The following KDM4C variants were observed in gnomAD, a reference collection of about 807,000 sequenced individuals.
KDM4C encodes the protein lysine-specific demethylase 4C.
In KDM4C, 81 loss-of-function variants were observed where a neutral mutation model predicts 129.3. The ratio of observed to expected loss-of-function variants is 0.63; its 90% CI spans 0.52 to 0.75. The LOEUF (loss-of-function observed/expected upper bound fraction) is 0.75, where lower values mean the gene tolerates loss of function less well. Among genes scored for constraint, KDM4C ranks in the 30% least tolerant of loss-of-function variants. KDM4C has a pLI of 0.00. For missense variants in KDM4C, 1,457 were observed against 1,304.0 expected, an observed-to-expected ratio of 1.12 and a Z score of -1.81; for synonymous variants, 573 against 456.1, an observed-to-expected ratio of 1.26 and a Z score of -3.26.
At chr9:6,804,715 T>G (rs1156365786) in intron 2 of KDM4C, among the ~76,000 whole-genome samples, 2 of 148,382 alleles carry the variant, frequency 1.3e-5, no homozygotes, top group Admixed American at 1.4e-4. Flanking sequence ...GCTGAGATCG[T>G]GCCACTGCTC....
At chr9:6,980,113 C>T (rs1332626853) in intron 8 of KDM4C, among the ~76,000 whole-genome samples, 1 of 152,140 alleles carries the variant, frequency 6.6e-6, no homozygotes, top group African/African-American at 2.4e-5. Context: ...TAGGGATTGT[C>T]AAGGTCTATC....
intron 4 of KDM4C, chr9:6,834,510 G>A (rs559467783): frequency 1.4e-5 from 9 of 649,258 alleles, no homozygotes; most frequent in Non-Finnish European, 2.0e-5. Flanking sequence ...CATGTGGAAG[G>A]CTGGCTTCGC....
chr9:6,842,270 T>C (rs1837073363), intron 4 of KDM4C, among the ~76,000 whole-genome samples: 1 of 152,110 alleles, frequency 6.6e-6, no homozygotes, highest in Non-Finnish European at 1.5e-5. Context: ...GCTACATTTT[T>C]TGCAGATTTG....
At chr9:6,896,697 A>AG (rs887192744) in intron 8 of KDM4C, among the ~76,000 whole-genome samples, 1 of 152,110 alleles carries the variant, frequency 6.6e-6, no homozygotes, top group Non-Finnish European at 1.5e-5. Context: ...GGCTGGTAGA[A>AG]GGGGGAGAAG....
At chr9:7,006,415 T>A (rs1025405773) in intron 12 of KDM4C, among the ~76,000 whole-genome samples, 1 of 152,104 alleles carries the variant, frequency 6.6e-6, no homozygotes, top group African/African-American at 2.4e-5. Flanking sequence ...TATTTAATGA[T>A]CAATGACAAG....
At chr9:6,971,427 G>T (rs1416542696) in intron 8 of KDM4C, among the ~76,000 whole-genome samples, 1 of 152,126 alleles carries the variant, frequency 6.6e-6, no homozygotes, top group Non-Finnish European at 1.5e-5. Context: ...TTTAAAATTT[G>T]GACTGATCAA....
chr9:7,135,595 G>C (rs541455760), intron 19 of KDM4C, among the ~76,000 whole-genome samples: 1 of 143,808 alleles, frequency 7.0e-6, no homozygotes, highest in Non-Finnish European at 1.5e-5. Context: ...GATGTTGTCC[G>C]TTCTGAGCTA....
intron 1 of KDM4C, among the ~76,000 whole-genome samples, chr9:6,734,325 G>A (rs933126810): frequency 8.9e-5 from 11 of 124,126 alleles, no homozygotes; most frequent in African/African-American, 3.2e-4. Context: ...ATGGAGTTTC[G>A]CTCTTGTTGC....
intron 3 of KDM4C, among the ~76,000 whole-genome samples, chr9:6,808,532 A>T (rs941386235): frequency 1.7e-4 from 25 of 147,600 alleles, no homozygotes; most frequent in African/African-American, 5.6e-4. Context: ...CCCTAATCTC[A>T]AGTAATCAGG....
chr9:6,996,497 A>C (rs1372821487), intron 12 of KDM4C, among the ~76,000 whole-genome samples: 1 of 152,210 alleles, frequency 6.6e-6, no homozygotes, highest in Non-Finnish European at 1.5e-5. Context: ...AGCTTTTCCT[A>C]CTGTTACTTC....
At chr9:7,159,487 G>A (rs1057067587) in intron 19 of KDM4C, among the ~76,000 whole-genome samples, 1 of 152,176 alleles carries the variant, frequency 6.6e-6, no homozygotes, top group African/African-American at 2.4e-5. Flanking sequence ...TTCTTTCCAT[G>A]TGTGGTGCTT....
intron 18 of KDM4C, among the ~76,000 whole-genome samples, chr9:7,124,110 A>G (rs1321600272): frequency 6.6e-6 from 1 of 152,124 alleles, no homozygotes; most frequent in African/African-American, 2.4e-5. Flanking sequence ...AATTTCTTCC[A>G]CAGATGACCA....
chr9:6,834,386 G>T (rs984093092), intron 4 of KDM4C: 3 of 355,832 alleles, frequency 8.4e-6, no homozygotes, highest in Non-Finnish European at 1.6e-5. Context: ...CCAAGACCAC[G>T]TCCGCCCCGT....
intron 8 of KDM4C, among the ~76,000 whole-genome samples, chr9:6,959,349 T>A (rs1187030252): frequency 6.6e-6 from 1 of 152,210 alleles, no homozygotes; most frequent in African/African-American, 2.4e-5. Flanking sequence ...TTTCTTTGCC[T>A]CCCTGTCCTT....
At chr9:6,780,241 T>G (rs981248077) in intron 1 of KDM4C, among the ~76,000 whole-genome samples, 1 of 152,088 alleles carries the variant, frequency 6.6e-6, no homozygotes, top group African/African-American at 2.4e-5. Flanking sequence ...GTAAATAGAT[T>G]AGCTGTGAAT....
chr9:7,051,909 T>A (rs1830201345), intron 17 of KDM4C, among the ~76,000 whole-genome samples: 1 of 152,232 alleles, frequency 6.6e-6, no homozygotes, highest in Admixed American at 6.5e-5. Flanking sequence ...AATTCTTCGT[T>A]GTGGAGGACT....
intron 5 of KDM4C, among the ~76,000 whole-genome samples, chr9:6,854,779 A>G (rs1249309476): frequency 2.0e-5 from 3 of 152,244 alleles, no homozygotes; most frequent in African/African-American, 7.2e-5. Flanking sequence ...TTCAGGATAG[A>G]TACACATTAG....
intron 2 of KDM4C, among the ~76,000 whole-genome samples, chr9:6,800,816 T>G (rs72699689): frequency 9.9e-4 from 150 of 152,198 alleles, no homozygotes; most frequent in Non-Finnish European, 1.8e-3. Context: ...TTTGTAGAGC[T>G]GAGCTTTCGC....
intron 12 of KDM4C, 123 bp downstream of exon 12, chr9:6,990,647 A>G (rs1481559463): frequency 3.2e-6 from 2 of 619,940 alleles, no homozygotes; most frequent in Admixed American, 3.1e-5. Context: ...CTATTAGGAG[A>G]TCATACATAA....
Sources: gnomAD v4.1 joint callset for allele counts (sites outside exome capture counted in the v4.1 genomes callset) on GRCh38, gnomAD v4.1.1 for gene constraint, MANE v1.5 for transcripts, NCBI Gene and HGNC (gene_info 2026-07-23, HGNC 2026-07-21) for gene names.